ZNF550: variants seen among roughly 807,000 people sequenced by gnomAD.
The protein encoded by ZNF550 is zinc finger protein 550.
In ZNF550, 42 loss-of-function variants were observed where a neutral mutation model predicts 40.2. That is an observed-to-expected ratio of 1.05 (90% confidence interval 0.82 to 1.35). The LOEUF (loss-of-function observed/expected upper bound fraction) is 1.35. Ranked by LOEUF, ZNF550 falls within the 40% of genes most tolerant of loss-of-function variation. The pLI is 0.00. For synonymous variants in ZNF550, 223 were observed against 198.6 expected (o/e 1.12, Z -1.03); for missense variants, 549 against 525.2 (o/e 1.05, Z -0.44).
chr19:57,559,806 A>T, exon 1 of ZNF550: 1 of 890,980 alleles, frequency 1.1e-6, no homozygotes, highest in Non-Finnish European at 1.5e-6. Flanking sequence ...CACAGTTCTG[A>T]GAGCGCGGAC....
chr19:57,559,066 G>T (rs2090146640), intron 1 of ZNF550, among the ~76,000 whole-genome samples: 1 of 152,106 alleles, frequency 6.6e-6, no homozygotes, highest in Non-Finnish European at 1.5e-5. Flanking sequence ...TCTTTCAGCC[G>T]CTGCCCTTCG....
Position 57,554,887 on chromosome 19 carries a change from T to A in ZNF550, c.154+1344A>T, listed in dbSNP as rs999659647. On this transcript the variant is annotated intron_variant, in intron 2 of 4. Transcript: ENST00000457177. The surrounding 1 kb of genome is among the most constrained non-coding windows in gnomAD (Gnocchi z 4.5). ...CTATCCAGCTAACTCCTACTCAGCT[T>A]TCAGGTCTCAGCTCCACTGTCACTT... 1 of 152,280 alleles carries A rather than the reference T, an allele frequency of 6.6e-6. No individual in the cohort carries two copies. The highest frequency in any genetic ancestry group is 1.5e-5 in the Non-Finnish European group (1 of 68,058). 9.4% of individuals were successfully genotyped at this position (152,280 alleles called of 1,614,324 possible).
At position 57,547,999 on chromosome 19, in the gene ZNF550, G is replaced by C. The variant is rs199684824; in HGVS notation, c.251-6C>G. ...ATGAACTTGTGCTCTGTCACCTGAA[G>C]GGCATCAACAAACAAAGGAGGGGTC... On this transcript the variant is annotated splice_polypyrimidine_tract_variant and splice_region_variant and intron_variant, in intron 3 of 4. Transcript: ENST00000457177. 3 of 1,605,260 alleles carry C rather than the reference G, an allele frequency of 1.9e-6. No individual in the cohort carries two copies. In the East Asian group the frequency reaches 6.7e-5, roughly 36 times the overall value.
At chr19:57,547,606 T>A in exon 4 of ZNF550, 2 of 1,614,224 alleles carry the variant, frequency 1.2e-6, no homozygotes, top group Non-Finnish European at 1.7e-6. Context: ...CCACTTCCTG[T>A]TAAAACCTTT....
At chr19:57,543,460 G>A (rs1175455230) in intron 4 of ZNF550, 6 of 356,338 alleles carry the variant, frequency 1.7e-5, no homozygotes, top group Non-Finnish European at 2.4e-5. Flanking sequence ...GACTTGCCGA[G>A]TTAATTTACC....
At chr19:57,552,561 G>T in intron 3 of ZNF550, 66 bp downstream of exon 3, 1 of 1,245,062 alleles carries the variant, frequency 8.0e-7, no homozygotes, top group Non-Finnish European at 1.1e-6. Flanking sequence ...AAATTCAGAG[G>T]CAGTGGTGCC....
chr19:57,555,988 C>A (rs2090117186), intron 2 of ZNF550: 1 of 466,692 alleles, frequency 2.1e-6, no homozygotes, highest in East Asian at 4.4e-5. Context: ...GATGGCCAAT[C>A]AGCTTCCTTC....
chr19:57,557,376 T>C (rs1271903795), intron 1 of ZNF550: 3 of 152,098 alleles, frequency 2.0e-5, no homozygotes, highest in Non-Finnish European at 4.4e-5. Flanking sequence ...CTGGCCTACG[T>C]GCACATCGAG....
chr19:57,556,211 G>A lies in ZNF550; in HGVS notation c.154+20C>T, dbSNP rs1038440645. 1 of 1,613,734 alleles carries A rather than the reference G, an allele frequency of 6.2e-7. No individual in the cohort carries two copies. Among genetic ancestry groups the A allele is most frequent in the African/African-American group, 1.3e-5 (1 of 74,890 alleles). On this transcript the variant is annotated intron_variant, in intron 2 of 4. Transcript: ENST00000457177. ...AATCAGGGTTAGGGTCCTCCTCAGG[G>A]ATGAGAGGTGAGTCATTACCTAGTG...
At chr19:57,545,845 T>C (rs1028966148) in intron 4 of ZNF550, among the ~76,000 whole-genome samples, 1 of 152,100 alleles carries the variant, frequency 6.6e-6, no homozygotes, top group African/African-American at 2.4e-5. Context: ...AAACCTTGTC[T>C]CTACTAAAAT....
At chr19:57,560,810 G>A (rs1222520507), upstream of ZNF550, among the ~76,000 whole-genome samples, 1 of 152,210 alleles carries the variant, frequency 6.6e-6, no homozygotes, top group Non-Finnish European at 1.5e-5. Flanking sequence ...GTCAAATCTA[G>A]CGTCATGGGA....
In ZNF550 at chr19:57,552,412, A is replaced by T. The variant is rs906045073; in HGVS notation, c.250+215T>A. 24 of 506,662 alleles carry T rather than the reference A, an allele frequency of 4.7e-5. No individual in the cohort carries two copies. The Middle Eastern group carries it at 1.4e-3, about 29-fold the overall frequency. 31.4% of individuals were successfully genotyped at this position (506,662 alleles called of 1,614,324 possible). ...GGATTGAGCCAGAGCAACCATAAAG[A>T]TTCCTGTTCACAGCAAAAGGTACCT... On this transcript the variant is annotated intron_variant, in intron 3 of 4. Transcript: ENST00000457177.
At chr19:57,547,168 A>G (rs1548476) in exon 4 of ZNF550, 964,217 of 1,613,638 alleles carry the variant, frequency 0.6, 291,123 homozygotes, top group East Asian at 0.75. Flanking sequence ...CTGGTGCTGT[A>G]TGAGTTCTGA....
At chr19:57,544,545 A>C in intron 4 of ZNF550, 1 of 985,254 alleles carries the variant, frequency 1.0e-6, no homozygotes, top group Non-Finnish European at 1.2e-6. Flanking sequence ...TCAAGAGTCA[A>C]CTCTCCTTCC....
chr19:57,556,403 A>T, intron 1 of ZNF550, 46 bp from the exon 2 acceptor site: 1 of 1,583,930 alleles, frequency 6.3e-7, no homozygotes, highest in Non-Finnish European at 8.6e-7. Context: ...GTGTTGTCGC[A>T]TAGGATCAGA....
chr19:57,547,469 A>G (rs763983666), exon 4 of ZNF550: 2 of 1,614,056 alleles, frequency 1.2e-6, no homozygotes, highest in Non-Finnish European at 1.7e-6. Flanking sequence ...AGGCACTTGT[A>G]TGGTTTCTCC....
At chr19:57,561,038 T>A (rs1373454129), upstream of ZNF550, among the ~76,000 whole-genome samples, 1 of 152,240 alleles carries the variant, frequency 6.6e-6, no homozygotes, top group Non-Finnish European at 1.5e-5. The surrounding 1 kb of genome is among the most constrained non-coding windows in gnomAD (Gnocchi z 4.9). Flanking sequence ...CCTTTCTCTC[T>A]TATTTGGCTT....
rs376333092 is a variant in ZNF550 at position 57,547,918 on chromosome 19, C to A, written c.326G>T (p.Gly109Val). The A allele has an allele frequency of 3.7e-5, 59 of 1,614,022 alleles. No individual in the cohort carries two copies. In the East Asian group the frequency reaches 3.8e-4, roughly 10 times the overall value. ...GGTTGAAGATTCCAGAGTCAGGCTT[C>A]CCCGGAGAAAGGCCCGCTCAGATAA... is the stretch of plus-strand genomic sequence containing the variant. The change falls in exon 4 of 5, where the codon GGA (glycine) becomes GTA (valine). Residue 109 changes from glycine to valine, a missense_variant. By Grantham distance (109) the Gly-to-Val change is moderately radical. Coordinates refer to ENST00000457177, the Ensembl canonical transcript of ZNF550.
intron 1 of ZNF550, 122 bp from the exon 2 acceptor site, chr19:57,556,479 G>T: frequency 7.5e-7 from 1 of 1,326,394 alleles, no homozygotes; most frequent in Non-Finnish European, 1.0e-6. Flanking sequence ...GGTCTCCTTT[G>T]GGCTGACTTC....
Sources: gnomAD v4.1 joint callset for allele counts (sites outside exome capture counted in the v4.1 genomes callset) on GRCh38, gnomAD v4.1.1 for gene constraint, Gnocchi (gnomAD v3.1) non-coding constraint, MANE v1.5 for transcripts, NCBI Gene and HGNC (gene_info 2026-07-23, HGNC 2026-07-21) for gene names.